Variants in TAF3 observed in about 807,000 individuals in gnomAD.
TAF3 encodes the protein TATA-box binding protein associated factor 3, also known as transcription initiation factor TFIID subunit 3.
In TAF3, 7 loss-of-function variants were observed where a neutral mutation model predicts 80.6. The observed-to-expected ratio is 0.09, with a 90% CI of 0.05 to 0.16. The LOEUF is 0.16. TAF3 is among the 10% of genes least tolerant of loss of function. The pLI is 1.00. For missense variants in TAF3, 921 were observed against 1,140.2 expected (o/e 0.81, Z 2.77); for synonymous variants, 444 against 446.1 (o/e 1.00, Z 0.06).
In TAF3 at chr10:8,016,108, AC is replaced by A. The variant is rs952878877; in HGVS notation, c.*1358del. Reference sequence around the variant, plus strand: ...ATATTTTATTTTTAATGTTAAAAAAACATCAAATTTAACTTTATTAGCATAT... The same window carrying A: ...ATATTTTATTTTTAATGTTAAAAAAAATCAAATTTAACTTTATTAGCATAT... On this transcript the variant is annotated 3_prime_UTR_variant, in exon 7 of 7. Coordinates refer to ENST00000344293, the MANE Select transcript of TAF3 (RefSeq NM_031923.4). 2.6e-5 allele frequency: 4 copies of A among 152,162 alleles called. No homozygotes were observed. Among genetic ancestry groups the A allele is most frequent in the East Asian group, 1.9e-4 (1 of 5,192 alleles). 9.4% of individuals were successfully genotyped at this position (152,162 alleles called of 1,614,324 possible).
At chr10:7,967,161 A>G (rs966993340) in intron 3 of TAF3, among the ~76,000 whole-genome samples, 2 of 152,242 alleles carry the variant, frequency 1.3e-5, no homozygotes, top group Non-Finnish European at 2.9e-5. Flanking sequence ...CAGGTCAGTT[A>G]CACTGCAGAG....
At chr10:7,892,504 G>A (rs1837465438) in intron 2 of TAF3, among the ~76,000 whole-genome samples, 1 of 152,168 alleles carries the variant, frequency 6.6e-6, no homozygotes, top group Admixed American at 6.5e-5. Context: ...ACAATAAGAT[G>A]TGATGATTTT....
At chr10:7,998,480 G>A (rs1215625100) in intron 4 of TAF3, among the ~76,000 whole-genome samples, 1 of 151,830 alleles carries the variant, frequency 6.6e-6, no homozygotes, top group Non-Finnish European at 1.5e-5. Flanking sequence ...TCTATCTGTT[G>A]GCCACACTGC....
intron 3 of TAF3, among the ~76,000 whole-genome samples, chr10:7,969,862 T>C (rs1438265470): frequency 1.3e-5 from 2 of 152,236 alleles, no homozygotes; most frequent in African/African-American, 4.8e-5. Flanking sequence ...TTACTCGTTA[T>C]TCACCAACCT....
At chr10:7,951,214 A>G (rs1024894474) in intron 2 of TAF3, among the ~76,000 whole-genome samples, 1 of 152,274 alleles carries the variant, frequency 6.6e-6, no homozygotes, top group African/African-American at 2.4e-5. Context: ...ATATGAATAC[A>G]TAGCTAACAT....
At chr10:7,906,494 G>A (rs1837609630) in intron 2 of TAF3, among the ~76,000 whole-genome samples, 1 of 152,070 alleles carries the variant, frequency 6.6e-6, no homozygotes. Context: ...TCTTTCGGAG[G>A]AGAAAAGCCA....
chr10:8,004,213 G>A (rs1246781356), intron 4 of TAF3, among the ~76,000 whole-genome samples: 2 of 151,802 alleles, frequency 1.3e-5, no homozygotes, highest in Non-Finnish European at 2.9e-5. Flanking sequence ...ATCACACCCA[G>A]CTAATTTTTG....
chr10:7,860,341 AGTTTTTATAAATG>A (rs1837131794), intron 2 of TAF3, among the ~76,000 whole-genome samples: 1 of 152,108 alleles, frequency 6.6e-6, no homozygotes, highest in Admixed American at 6.5e-5. Context: ...TTTGAAAATT[AGTTTTTATAAATG>A]GTTGGTATGA....
At chr10:7,979,435 ATTAT>A (rs1831704929) in intron 4 of TAF3, among the ~76,000 whole-genome samples, 1 of 151,900 alleles carries the variant, frequency 6.6e-6, no homozygotes, top group South Asian at 2.1e-4. Context: ...CATTCTGTTG[ATTAT>A]TTATTCTGTT....
At chr10:7,961,909 GC>G (rs1170183191) in intron 2 of TAF3, among the ~76,000 whole-genome samples, 7 of 151,886 alleles carry the variant, frequency 4.6e-5, no homozygotes, top group African/African-American at 1.7e-4. Flanking sequence ...GAGTGCAGTG[GC>G]GCAATCATGG....
chr10:7,882,221 G>GAGACC, intron 2 of TAF3, among the ~76,000 whole-genome samples: 1 of 152,254 alleles, frequency 6.6e-6, no homozygotes, highest in South Asian at 2.1e-4. Context: ...CATCTTATTG[G>GAGACC]AGACCGTCAA....
chr10:7,902,703 A>G (rs1158485795), intron 2 of TAF3, among the ~76,000 whole-genome samples: 1 of 152,190 alleles, frequency 6.6e-6, no homozygotes, highest in Non-Finnish European at 1.5e-5. Flanking sequence ...AATGAGTAAT[A>G]GGCTGAGTGA....
At chr10:7,951,266 A>G (rs926730797) in intron 2 of TAF3, among the ~76,000 whole-genome samples, 1 of 152,226 alleles carries the variant, frequency 6.6e-6, no homozygotes, top group African/African-American at 2.4e-5. Context: ...AGCAGCTTAA[A>G]ACAGCAACCG....
chr10:7,980,246 A>C (rs1351036119), intron 4 of TAF3, among the ~76,000 whole-genome samples: 1 of 152,132 alleles, frequency 6.6e-6, no homozygotes, highest in Non-Finnish European at 1.5e-5. Flanking sequence ...AAAAACGAAA[A>C]AGCTTTACAG....
At chr10:7,942,202 A>G (rs924704936) in intron 2 of TAF3, among the ~76,000 whole-genome samples, 2 of 152,208 alleles carry the variant, frequency 1.3e-5, no homozygotes, top group African/African-American at 2.4e-5. Flanking sequence ...CAGTCTAGCA[A>G]TCACCCGTGA....
At chr10:7,983,726 C>A (rs1257612146) in intron 4 of TAF3, among the ~76,000 whole-genome samples, 1 of 152,100 alleles carries the variant, frequency 6.6e-6, no homozygotes, top group African/African-American at 2.4e-5. Context: ...ATACTCCCAG[C>A]TACTTGGGAG....
At position 7,860,276 on chromosome 10, in the gene TAF3, GA is replaced by G. The variant is rs201229918; in HGVS notation, c.409+35726del. Among the ~76,000 whole-genome samples, 604 of 135,868 alleles carry G rather than the reference GA, an allele frequency of 4.4e-3. 12 individuals carry two copies. Among genetic ancestry groups the G allele is most frequent in the East Asian group, 0.031 (147 of 4,748 alleles). The allele number at this position is 135,868 out of a possible 152,430, so 89.1% of individuals were successfully genotyped here. A position where few individuals can be genotyped will look rare whatever the true frequency, so the allele number is the denominator to read the frequency against. Reference sequence around the variant, plus strand: ...AGGTGACAGAGCCAGACCCTGTCTGGAAAAAAAAAAGAAGAAAAAAAAAAAG... The same window carrying G: ...AGGTGACAGAGCCAGACCCTGTCTGGAAAAAAAAAGAAGAAAAAAAAAAAG... On this transcript the variant is annotated intron_variant, in intron 2 of 6. Transcript: ENST00000344293.
intron 3 of TAF3, among the ~76,000 whole-genome samples, chr10:7,969,455 T>C (rs962086963): frequency 3.9e-5 from 6 of 152,230 alleles, no homozygotes; most frequent in Non-Finnish European, 8.8e-5. Flanking sequence ...AAATGTTTTA[T>C]TAAAATTTTG....
At chr10:7,844,830 G>C (rs979286640) in intron 2 of TAF3, among the ~76,000 whole-genome samples, 2 of 151,602 alleles carry the variant, frequency 1.3e-5, no homozygotes, top group Admixed American at 6.6e-5. Flanking sequence ...TGTTTTCCTT[G>C]TTCCTGTGTA....
Sources: allele counts gnomAD v4.1 joint callset (sites outside exome capture counted in the v4.1 genomes callset), GRCh38; gene constraint gnomAD v4.1.1; transcripts MANE v1.5; gene names NCBI Gene and HGNC (gene_info 2026-07-23, HGNC 2026-07-21).